Variants in DPP10 observed in about 807,000 individuals in gnomAD.
DPP10 encodes the protein inactive dipeptidyl peptidase 10.
A neutral mutation model predicts 120.9 loss-of-function variants in DPP10; 33 were observed. The ratio of observed to expected loss-of-function variants is 0.27; its 90% CI spans 0.21 to 0.37. The LOEUF (loss-of-function observed/expected upper bound fraction) is 0.37. Among genes scored for constraint, DPP10 ranks in the 10% least tolerant of loss-of-function variants. The pLI, the probability that DPP10 is intolerant of heterozygous loss-of-function variation, is 1.00. For synonymous variants in DPP10, 337 were observed against 326.1 expected (o/e 1.03, Z -0.36); for missense variants, 816 against 942.8 (o/e 0.87, Z 1.76).
chr2:114,707,933 CA>C (rs1700784828), intron 1 of DPP10, among the ~76,000 whole-genome samples: 1 of 152,150 alleles, frequency 6.6e-6, no homozygotes, highest in Admixed American at 6.5e-5. Context: ...CCAGTTTCTA[CA>C]AAGGTTTCTA....
At chr2:114,791,775 G>C (rs1209415051) in intron 1 of DPP10, among the ~76,000 whole-genome samples, 1 of 152,150 alleles carries the variant, frequency 6.6e-6, no homozygotes, top group East Asian at 1.9e-4. Context: ...TCAGAAACTT[G>C]CTACTCCATT....
At chr2:114,708,609 G>A (rs933101364) in intron 1 of DPP10, among the ~76,000 whole-genome samples, 1 of 152,158 alleles carries the variant, frequency 6.6e-6, no homozygotes, top group African/African-American at 2.4e-5. Context: ...GGTTGCAACT[G>A]TGGCTCAGGT....
chr2:115,824,614 T>G (rs1414827230), intron 21 of DPP10, among the ~76,000 whole-genome samples: 3 of 152,186 alleles, frequency 2.0e-5, no homozygotes, highest in Non-Finnish European at 4.4e-5. Context: ...GAATGATGGC[T>G]TCCAGCTTCA....
At chr2:115,421,869 CAAAAAAAA>C (rs10610510) in intron 3 of DPP10, among the ~76,000 whole-genome samples, 15 of 46,908 alleles carry the variant, frequency 3.2e-4, no homozygotes, top group South Asian at 1.7e-3. Flanking sequence ...GACTCCATCT[CAAAAAAAA>C]AAAAAAAAAA....
At chr2:115,446,657 C>T (rs1048579144) in intron 3 of DPP10, among the ~76,000 whole-genome samples, 1 of 151,970 alleles carries the variant, frequency 6.6e-6, no homozygotes, top group African/African-American at 2.4e-5. Flanking sequence ...GTGTCTATTT[C>T]CATATATCTT....
intron 1 of DPP10, among the ~76,000 whole-genome samples, chr2:114,745,099 A>G (rs1341971600): frequency 1.3e-5 from 2 of 152,220 alleles, no homozygotes; most frequent in African/African-American, 2.4e-5. Context: ...GTTTACAAAA[A>G]TTGTTGCTGA....
rs114356866 is a variant in DPP10, at chr2:115,057,025, A to G, written c.61-252214A>G. On this transcript the variant is annotated intron_variant, in intron 1 of 25. Coordinates refer to ENST00000410059, the MANE Select transcript of DPP10 (RefSeq NM_020868.6). ...CCTCAATTAAGTCTAAAAGAGGAGA[A>G]CTATTTCCCCACTCCCTCATCCCCA... is the stretch of plus-strand genomic sequence containing the variant. Among the ~76,000 whole-genome samples, 563 of 152,324 alleles carry G rather than the reference A, an allele frequency of 3.7e-3. 2 individuals are homozygous for G. Among genetic ancestry groups the G allele is most frequent in the African/African-American group, 0.013 (543 of 41,572 alleles).
chr2:114,927,650 A>C (rs1182555204), intron 1 of DPP10, among the ~76,000 whole-genome samples: 1 of 152,202 alleles, frequency 6.6e-6, no homozygotes, highest in Non-Finnish European at 1.5e-5. Context: ...TGCCCTGAGA[A>C]GTTCCCAGCT....
chr2:115,142,574 G>C (rs2050989163), intron 1 of DPP10, among the ~76,000 whole-genome samples: 1 of 152,220 alleles, frequency 6.6e-6, no homozygotes, highest in African/African-American at 2.4e-5. Flanking sequence ...AACACGAACT[G>C]AAAATCAGGG....
chr2:115,502,053 C>T (rs2076708789), intron 4 of DPP10, among the ~76,000 whole-genome samples: 2 of 151,790 alleles, frequency 1.3e-5, no homozygotes, highest in African/African-American at 4.8e-5. Context: ...ATGGCCTGTT[C>T]TATAGTAAGA....
rs1436474175 is a variant in DPP10, at chr2:114,978,005, A to G, written c.61-331234A>G. 4.4e-4 allele frequency among the ~76,000 whole-genome samples: 67 copies of G among 152,292 alleles called. 1 individual carries two copies. Among genetic ancestry groups the G allele is most frequent in the Non-Finnish European group, 1.5e-5 (1 of 68,018 alleles). ...CCCTCTGACATCTTAATGCAAAATCATCTGATCTCTAAAATTCTACCAGAC... is the reference window on the plus strand; with the variant it reads ...CCCTCTGACATCTTAATGCAAAATCGTCTGATCTCTAAAATTCTACCAGAC... On this transcript the variant is annotated intron_variant, in intron 1 of 25. Coordinates refer to ENST00000410059, the MANE Select transcript of DPP10 (RefSeq NM_020868.6).
rs60549082 is a variant in DPP10, at chr2:115,728,288, TAAAAA to T, written c.697+366_697+370del. Among the ~76,000 whole-genome samples the T allele has an allele frequency of 2.5e-4, 37 of 147,376 alleles. 1 individual carries two copies. The highest frequency in any genetic ancestry group is 8.7e-4 in the African/African-American group (35 of 40,440). Reference sequence around the variant, plus strand: ...AAGAAGAAACAGAAACCTTTATTTCTAAAAAAAAAAAAAAAAAATGCATAAAAAGC... The same window carrying T: ...AAGAAGAAACAGAAACCTTTATTTCTAAAAAAAAAAAAATGCATAAAAAGC... On this transcript the variant is annotated intron_variant, in intron 8 of 25. Coordinates refer to ENST00000410059, the MANE Select transcript of DPP10 (RefSeq NM_020868.6).
chr2:115,579,483 AC>A (rs1314759061), intron 5 of DPP10: 1 of 152,226 alleles, frequency 6.6e-6, no homozygotes, highest in Non-Finnish European at 1.5e-5. Flanking sequence ...TAATGGTGGA[AC>A]CAAATGATGT....
chr2:114,480,241 C>T (rs1024882258), intron 1 of DPP10, among the ~76,000 whole-genome samples: 1 of 150,998 alleles, frequency 6.6e-6, no homozygotes, highest in African/African-American at 2.5e-5. Flanking sequence ...AATAGGAACA[C>T]TTTTACACTG....
chr2:115,578,386 C>A (rs917917696), intron 5 of DPP10, among the ~76,000 whole-genome samples: 1 of 151,964 alleles, frequency 6.6e-6, no homozygotes, highest in African/African-American at 2.4e-5. Context: ...ACACACACAA[C>A]CCCCCACCCC....
chr2:114,824,721 G>T (rs538969330), intron 1 of DPP10, among the ~76,000 whole-genome samples: 1 of 152,110 alleles, frequency 6.6e-6, no homozygotes, highest in Non-Finnish European at 1.5e-5. Context: ...TCTAAAAATA[G>T]CGTTAATTGA....
intron 5 of DPP10, among the ~76,000 whole-genome samples, chr2:115,637,775 G>A (rs760222851): frequency 3.9e-5 from 6 of 152,162 alleles, no homozygotes; most frequent in Admixed American, 6.5e-5. Context: ...CCTACACACA[G>A]CTCTCACTGA....
intron 1 of DPP10, among the ~76,000 whole-genome samples, chr2:115,256,626 T>G (rs1036754551): frequency 6.6e-6 from 1 of 152,220 alleles, no homozygotes; most frequent in Admixed American, 6.5e-5. Context: ...GGAAGACTGC[T>G]GAAATGCCTT....
chr2:115,205,803 C>A (rs2105321494), intron 1 of DPP10, among the ~76,000 whole-genome samples: 1 of 152,222 alleles, frequency 6.6e-6, no homozygotes, highest in Non-Finnish European at 1.5e-5. Context: ...TGCGTGTTCT[C>A]ACTTGTAAGA....
Sources: allele counts gnomAD v4.1 joint callset (sites outside exome capture counted in the v4.1 genomes callset), GRCh38; gene constraint gnomAD v4.1.1; transcripts MANE v1.5; gene names NCBI Gene and HGNC (gene_info 2026-07-23, HGNC 2026-07-21).